Variants in DYM observed in about 807,000 individuals in gnomAD.
DYM encodes dyggve-Melchior-Clausen syndrome protein.
DYM carries 78 observed loss-of-function variants against 93.1 expected under a neutral mutation model. The ratio of observed to expected loss-of-function variants is 0.84; its 90% CI spans 0.70 to 1.01. The LOEUF is 1.01. DYM is among the 50% of genes least tolerant of loss of function. DYM has a pLI of 0.00. For missense variants in DYM, 789 were observed against 845.0 expected, an observed-to-expected ratio of 0.93 and a Z score of 0.82; for synonymous variants, 321 against 319.7, an observed-to-expected ratio of 1.00 and a Z score of -0.04.
chr18:49,189,990 C>T (rs1173751006), intron 14 of DYM, among the ~76,000 whole-genome samples: 4 of 152,188 alleles, frequency 2.6e-5, no homozygotes, highest in East Asian at 1.9e-4. Context: ...CTTTTCCTTC[C>T]GTTAAACTAG....
intron 13 of DYM, among the ~76,000 whole-genome samples, chr18:49,255,543 T>C (rs509229): frequency 1 from 151,120 of 151,832 alleles, 75,211 homozygotes; most frequent in Middle Eastern, 1. Context: ...CGTGGTGGCG[T>C]GTGCCTGTAA....
intron 8 of DYM, among the ~76,000 whole-genome samples, chr18:49,315,460 T>C (rs1167640072): frequency 6.6e-6 from 1 of 152,230 alleles, no homozygotes; most frequent in Non-Finnish European, 1.5e-5. Flanking sequence ...ATGTATGTGA[T>C]GTTACAAACT....
intron 16 of DYM, among the ~76,000 whole-genome samples, chr18:49,114,266 C>T (rs2081716923): frequency 6.6e-6 from 1 of 152,170 alleles, no homozygotes; most frequent in Admixed American, 6.5e-5. Flanking sequence ...GGCACTCAAG[C>T]TTCATTCCCA....
intron 2 of DYM, among the ~76,000 whole-genome samples, chr18:49,403,835 G>C (rs550104258): frequency 3.9e-5 from 6 of 152,070 alleles, no homozygotes; most frequent in Admixed American, 3.3e-4. Context: ...AGAACATGCA[G>C]TATTTGGTTT....
intron 15 of DYM, among the ~76,000 whole-genome samples, chr18:49,136,466 A>G (rs899801729): frequency 6.6e-6 from 1 of 152,134 alleles, no homozygotes; most frequent in East Asian, 1.9e-4. Context: ...ATAGGACTTA[A>G]TATGTATAAT....
intron 11 of DYM, among the ~76,000 whole-genome samples, chr18:49,260,928 G>A (rs932600884): frequency 6.7e-6 from 1 of 150,056 alleles, no homozygotes; most frequent in African/African-American, 2.4e-5. Flanking sequence ...AGTAACAGCA[G>A]GACAAATCCA....
intron 11 of DYM, among the ~76,000 whole-genome samples, chr18:49,263,432 TTAAAAA>T (rs1264185567): frequency 5.3e-5 from 8 of 150,448 alleles, no homozygotes; most frequent in Non-Finnish European, 1.5e-5. Flanking sequence ...ATATCTTCTT[TTAAAAA>T]TAAATGTATA....
chr18:49,219,951 AGG>A (rs1339096650), intron 13 of DYM, among the ~76,000 whole-genome samples: 5 of 148,870 alleles, frequency 3.4e-5, no homozygotes, highest in Non-Finnish European at 7.5e-5. Flanking sequence ...TTAGAAAAAG[AGG>A]AAGTCAAATT....
intron 1 of DYM, among the ~76,000 whole-genome samples, chr18:49,441,213 TTA>T (rs1273901571): frequency 2.5e-5 from 1 of 40,014 alleles, no homozygotes; most frequent in Admixed American, 5.3e-4. Context: ...ATTATATATA[TTA>T]TATATAATTA....
chr18:49,235,280 G>T (rs1160237574), intron 13 of DYM, among the ~76,000 whole-genome samples: 1 of 152,162 alleles, frequency 6.6e-6, no homozygotes, highest in African/African-American at 2.4e-5. Flanking sequence ...GACTTTACCT[G>T]GAGATAGAGG....
intron 14 of DYM, among the ~76,000 whole-genome samples, chr18:49,192,682 A>C (rs1192095490): frequency 6.6e-6 from 1 of 152,104 alleles, no homozygotes; most frequent in Non-Finnish European, 1.5e-5. Flanking sequence ...ATTTTATAGA[A>C]TACAGTAGTT....
intron 13 of DYM, among the ~76,000 whole-genome samples, chr18:49,238,062 T>C (rs2093925797): frequency 6.6e-6 from 1 of 152,160 alleles, no homozygotes; most frequent in Non-Finnish European, 1.5e-5. Context: ...GCACGTAGGA[T>C]TGCTGGGTCA....
In DYM at chr18:49,050,600, T is replaced by C. The variant is rs147558780; in HGVS notation, c.2026-6396A>G. ...CCACACGGGGCTGCGGGGGCTGTGG[T>C]TGACCAGGAATGAAGCCTTCTGCTT... On this transcript the variant is annotated intron_variant, in intron 17 of 17. Coordinates refer to ENST00000675505, the MANE Select transcript of DYM (RefSeq NM_001353214.3). Among the ~76,000 whole-genome samples the C allele has an allele frequency of 2.6e-3, 389 of 152,110 alleles. 1 individual carries two copies. The highest frequency in any genetic ancestry group is 8.8e-3 in the African/African-American group (366 of 41,488).
At chr18:49,164,135 A>C (rs1318538525) in intron 14 of DYM, among the ~76,000 whole-genome samples, 1 of 152,194 alleles carries the variant, frequency 6.6e-6, no homozygotes, top group Non-Finnish European at 1.5e-5. Flanking sequence ...ACTACAAGTC[A>C]CTTGAGCTTG....
intron 13 of DYM, among the ~76,000 whole-genome samples, chr18:49,224,014 G>A (rs111923335): frequency 0.011 from 1,635 of 152,174 alleles, 29 homozygotes; most frequent in African/African-American, 0.038. Context: ...GACTGATGAA[G>A]CAAGAGTTGA....
At chr18:49,402,950 C>T (rs979707247) in intron 2 of DYM, among the ~76,000 whole-genome samples, 5 of 152,128 alleles carry the variant, frequency 3.3e-5, no homozygotes, top group African/African-American at 1.2e-4. Context: ...ATTTGAGAAT[C>T]GCAGTTCTCA....
At chr18:49,420,357 T>C (rs181691050) in intron 2 of DYM, among the ~76,000 whole-genome samples, 1 of 151,730 alleles carries the variant, frequency 6.6e-6, no homozygotes, top group African/African-American at 2.4e-5. Context: ...TTAGTAGAGA[T>C]AGGGTTTCAC....
At chr18:49,135,274 A>C (rs2083736298) in intron 15 of DYM, among the ~76,000 whole-genome samples, 1 of 152,198 alleles carries the variant, frequency 6.6e-6, no homozygotes, top group Admixed American at 6.5e-5. Context: ...CATAGATTCA[A>C]ATCAGGAGCT....
intron 14 of DYM, among the ~76,000 whole-genome samples, chr18:49,206,860 T>A (rs1320810109): frequency 2.0e-5 from 3 of 152,020 alleles, no homozygotes; most frequent in South Asian, 4.2e-4. Flanking sequence ...GAAACCCAAG[T>A]GGGTAAGGAA....
Sources: gnomAD v4.1 joint callset for allele counts (sites outside exome capture counted in the v4.1 genomes callset) on GRCh38, gnomAD v4.1.1 for gene constraint, MANE v1.5 for transcripts, NCBI Gene and HGNC (gene_info 2026-07-23, HGNC 2026-07-21) for gene names.